Variants in RGS12 observed in about 807,000 individuals in gnomAD.
RGS12 encodes the protein regulator of G protein signaling 12, also known as regulator of G-protein signaling 12.
RGS12 carries 66 observed loss-of-function variants against 120.1 expected under a neutral mutation model. The observed-to-expected ratio is 0.55, with a 90% CI of 0.45 to 0.67. The LOEUF (loss-of-function observed/expected upper bound fraction) is 0.67, where lower values mean the gene tolerates loss of function less well. RGS12 is among the 30% of genes least tolerant of loss of function. RGS12 has a pLI of 0.00. For synonymous variants in RGS12, 827 were observed against 804.7 expected (o/e 1.03, Z -0.47); for missense variants, 1,859 against 1,957.7 (o/e 0.95, Z 0.95).
intron 15 of RGS12, 80 bp from the exon 16 acceptor site, chr4:3,428,478 C>T: frequency 2.5e-6 from 3 of 1,208,176 alleles, no homozygotes; most frequent in Non-Finnish European, 3.5e-6. Context: ...TTTCATAGAG[C>T]CTTCTACTCT....
chr4:3,367,940 A>G (rs771568707), intron 3 of RGS12, among the ~76,000 whole-genome samples: 2 of 152,240 alleles, frequency 1.3e-5, no homozygotes, highest in Non-Finnish European at 2.9e-5. Context: ...CACGTAGACA[A>G]TGTGAAATTG....
rs540065680 is a variant in RGS12 at position 3,366,232 on chromosome 4, G to A, written c.1999-20184G>A. On this transcript the variant is annotated intron_variant, in intron 3 of 17. Transcript: ENST00000336727. The surrounding 1 kb of genome is among the most constrained non-coding windows in gnomAD (Gnocchi z 4.0). Reference sequence around the variant, plus strand: ...GGCGGGTGCTGGGCAGACTGCAAAGGGTCAGACTGGCATATGGCGGCCAGC... The same window carrying A: ...GGCGGGTGCTGGGCAGACTGCAAAGAGTCAGACTGGCATATGGCGGCCAGC... Among the ~76,000 whole-genome samples, 1 of 152,094 alleles carries A rather than the reference G, an allele frequency of 6.6e-6. No homozygotes were observed. The highest frequency in any genetic ancestry group is 1.5e-5 in the Non-Finnish European group (1 of 67,990).
At chr4:3,432,748 C>T (rs1724444035) in intron 17 of RGS12, among the ~76,000 whole-genome samples, 1 of 152,252 alleles carries the variant, frequency 6.6e-6, no homozygotes, top group Non-Finnish European at 1.5e-5. Context: ...TGGTTCCCCG[C>T]CCCGCTGGCT....
intron 3 of RGS12, among the ~76,000 whole-genome samples, chr4:3,384,502 C>T (rs986480391): frequency 3.9e-5 from 6 of 152,142 alleles, no homozygotes; most frequent in South Asian, 4.1e-4. Context: ...TGATTTATTG[C>T]GGGCATGGAA....
rs757872018 is a variant in RGS12, at chr4:3,317,802, G to T, written c.1632G>T (p.Arg544=). The change falls in exon 2 of 18, where the codon CGG becomes CGT. Residue 544 remains arginine, a synonymous_variant. Coordinates refer to ENST00000336727, the MANE Select transcript of RGS12 (RefSeq NM_001394154.1). ...GCTGGCTCCCGGTCCACGTGCTCCG[G>T]GAGTGGCAGTGCGGACACACCAGCG... ...NQRWLPVHVL[R]EWQCGHTSDQ... 9.3e-6 allele frequency: 15 copies of T among 1,613,242 alleles called. No homozygotes were observed. In the African/African-American group the frequency reaches 1.9e-4, roughly 20 times the overall value.
At position 3,350,029 on chromosome 4, in the gene RGS12, G is replaced by T. The variant is rs186595295; in HGVS notation, c.1998+6976G>T. Among the ~76,000 whole-genome samples, 20 of 152,218 alleles carry T rather than the reference G, an allele frequency of 1.3e-4. No homozygotes were observed. In the East Asian group the frequency reaches 3.9e-3, roughly 29 times the overall value. ...TACCTAGGTTACTTATGAAAACTGA[G>T]ATATAGAAAAAGCTAGTCTTCATTT... On this transcript the variant is annotated intron_variant, in intron 3 of 17. Coordinates refer to ENST00000336727, the MANE Select transcript of RGS12 (RefSeq NM_001394154.1).
At chr4:3,391,856 C>G (rs887006809) in intron 4 of RGS12, among the ~76,000 whole-genome samples, 19 of 152,042 alleles carry the variant, frequency 1.2e-4, no homozygotes, top group Admixed American at 3.3e-4. Context: ...CTCAGCTTCT[C>G]GGTCTGGGAG....
At chr4:3,289,852 C>T (rs560179659), upstream of RGS12, among the ~76,000 whole-genome samples, 74 of 152,350 alleles carry the variant, frequency 4.9e-4, no homozygotes, top group African/African-American at 1.7e-3. Flanking sequence ...CTGCATCCTA[C>T]TCTCTGTTTC....
At chr4:3,361,818 A>G (rs1715593492) in intron 3 of RGS12, among the ~76,000 whole-genome samples, 1 of 152,216 alleles carries the variant, frequency 6.6e-6, no homozygotes, top group African/African-American at 2.4e-5. Context: ...AGGTTCAGAC[A>G]GAGATGGTCT....
At chr4:3,405,688 G>T (rs568026963) in intron 4 of RGS12, among the ~76,000 whole-genome samples, 1 of 152,188 alleles carries the variant, frequency 6.6e-6, no homozygotes, top group Admixed American at 6.5e-5. Context: ...GGGCAAAGAG[G>T]CATGCTGTCT....
chr4:3,435,424 G>A (rs1016330616), intron 17 of RGS12, among the ~76,000 whole-genome samples: 4 of 152,082 alleles, frequency 2.6e-5, no homozygotes, highest in Non-Finnish European at 4.4e-5. Flanking sequence ...GATTGAGACC[G>A]CTGGTTTTCT....
chr4:3,310,281 G>T, intron 1 of RGS12, among the ~76,000 whole-genome samples: 1 of 147,056 alleles, frequency 6.8e-6, no homozygotes, highest in Non-Finnish European at 1.5e-5. Flanking sequence ...GAACCGTGTC[G>T]GGGAGGAGCT....
chr4:3,358,728 G>C lies in RGS12; in HGVS notation c.1998+15675G>C, dbSNP rs1715129549. Among the ~76,000 whole-genome samples the C allele has an allele frequency of 2.0e-5, 3 of 152,018 alleles. No individual in the cohort carries two copies. The South Asian group carries it at 6.3e-4, about 32-fold the overall frequency. On this transcript the variant is annotated intron_variant, in intron 3 of 17. Transcript: ENST00000336727. ...TTTAATATGCTGCTGAATTCAGTTTGCTAGTATTTGGTTGAGGATTTTTAC... is the reference window on the plus strand; with the variant it reads ...TTTAATATGCTGCTGAATTCAGTTTCCTAGTATTTGGTTGAGGATTTTTAC...
intron 1 of RGS12, among the ~76,000 whole-genome samples, chr4:3,308,732 T>G (rs1724116257): frequency 1.3e-5 from 2 of 152,380 alleles, no homozygotes; most frequent in South Asian, 4.1e-4. Flanking sequence ...GCTCAGGGCT[T>G]GGTGGGCCCT....
At chr4:3,325,411 G>A (rs1725491423) in intron 2 of RGS12, among the ~76,000 whole-genome samples, 1 of 152,138 alleles carries the variant, frequency 6.6e-6, no homozygotes, top group South Asian at 2.1e-4. Flanking sequence ...CCTTTAAGAG[G>A]TGATTAGGTC....
At chr4:3,395,837 C>T (rs867744672) in intron 4 of RGS12, among the ~76,000 whole-genome samples, 7 of 152,138 alleles carry the variant, frequency 4.6e-5, no homozygotes, top group East Asian at 1.9e-4. Flanking sequence ...GGTGGATTTA[C>T]GTATAGTTTT....
intron 3 of RGS12, among the ~76,000 whole-genome samples, chr4:3,362,019 CT>C (rs1331886112): frequency 7.9e-5 from 12 of 152,318 alleles, no homozygotes. Context: ...AGCGCTCCCC[CT>C]CGTCACCCTC....
At chr4:3,405,148 A>G (rs552154510) in intron 4 of RGS12, among the ~76,000 whole-genome samples, 2 of 152,372 alleles carry the variant, frequency 1.3e-5, no homozygotes, top group East Asian at 3.9e-4. Flanking sequence ...TCAGGAAATC[A>G]TCAGAGGGTG....
intron 3 of RGS12, among the ~76,000 whole-genome samples, chr4:3,384,010 G>A (rs554787512): frequency 2.6e-5 from 4 of 152,276 alleles, no homozygotes; most frequent in African/African-American, 9.6e-5. Context: ...ACTCATGAGC[G>A]TGACATGAAG....
Sources: allele counts gnomAD v4.1 joint callset (sites outside exome capture counted in the v4.1 genomes callset), GRCh38; gene constraint gnomAD v4.1.1; non-coding constraint Gnocchi (gnomAD v3.1); transcripts MANE v1.5; gene names NCBI Gene and HGNC (gene_info 2026-07-23, HGNC 2026-07-21).